Variants in GPM6A observed in about 807,000 individuals in gnomAD.
GPM6A encodes the protein neuronal membrane glycoprotein M6-a.
GPM6A carries 7 observed loss-of-function variants against 32.1 expected under a neutral mutation model. The ratio of observed to expected loss-of-function variants is 0.22; its 90% CI spans 0.12 to 0.41. The LOEUF is 0.41. Ranked by LOEUF, GPM6A falls within the 10% of genes least tolerant of loss-of-function variation. The pLI is 1.00. For missense variants in GPM6A, 235 were observed against 347.2 expected (o/e 0.68, Z 2.57); for synonymous variants, 130 against 123.4 (o/e 1.05, Z -0.35).
At chr4:175,714,304 A>G (rs1745716348) in intron 1 of GPM6A, among the ~76,000 whole-genome samples, 2 of 152,248 alleles carry the variant, frequency 1.3e-5, no homozygotes, top group Non-Finnish European at 2.9e-5. Context: ...CAACATATAC[A>G]GTTTATAACT....
At chr4:175,940,586 T>A (rs544528459) in intron 1 of GPM6A, among the ~76,000 whole-genome samples, 1 of 152,266 alleles carries the variant, frequency 6.6e-6, no homozygotes, top group East Asian at 1.9e-4. Flanking sequence ...ACCTATAACA[T>A]TTTTTATATC....
chr4:175,926,802 T>C (rs1397367315), intron 1 of GPM6A, among the ~76,000 whole-genome samples: 3 of 152,236 alleles, frequency 2.0e-5, no homozygotes, highest in South Asian at 2.1e-4. Context: ...GAAATGCAAA[T>C]TGAAAGAGTA....
chr4:175,861,749 G>GAAAAAAAAAAAAAA (rs10716525), intron 1 of GPM6A, among the ~76,000 whole-genome samples: 3 of 87,236 alleles, frequency 3.4e-5, no homozygotes, highest in Non-Finnish European at 6.6e-5. Flanking sequence ...AAGAGACTCT[G>GAAAAAAAAAAAAAA]AAAAAAAAAA....
chr4:175,840,212 C>T (rs1010662300), intron 1 of GPM6A, among the ~76,000 whole-genome samples: 7 of 152,036 alleles, frequency 4.6e-5, no homozygotes, highest in African/African-American at 1.7e-4. Flanking sequence ...TAGGAAAGTG[C>T]CTCATTTGAA....
At chr4:175,942,384 G>T (rs189349209) in intron 1 of GPM6A, among the ~76,000 whole-genome samples, 1 of 152,084 alleles carries the variant, frequency 6.6e-6, no homozygotes, top group African/African-American at 2.4e-5. Context: ...AGTTTAATTA[G>T]CTCCCATTTG....
chr4:175,954,754 T>G (rs115237877), intron 1 of GPM6A, among the ~76,000 whole-genome samples: 2,030 of 152,316 alleles, frequency 0.013, 40 homozygotes, highest in African/African-American at 0.047. Context: ...GTCTTTTCCA[T>G]GGGTCTTAAA....
intron 1 of GPM6A, among the ~76,000 whole-genome samples, chr4:175,768,115 G>A (rs1733046942): frequency 6.6e-6 from 1 of 152,148 alleles, no homozygotes; most frequent in Non-Finnish European, 1.5e-5. Context: ...CTAGAAAGGG[G>A]AAGAATTTGT....
intron 1 of GPM6A, among the ~76,000 whole-genome samples, chr4:175,716,407 G>T (rs1224326029): frequency 6.6e-6 from 1 of 152,142 alleles, no homozygotes; most frequent in South Asian, 2.1e-4. Context: ...CTGGTAAAGA[G>T]TGTTTATGTA....
intron 1 of GPM6A, among the ~76,000 whole-genome samples, chr4:175,711,398 C>T (rs920154153): frequency 3.3e-5 from 4 of 119,782 alleles, no homozygotes; most frequent in Non-Finnish European, 4.9e-5. Flanking sequence ...AAAGGGCACA[C>T]TGGCACACCA....
chr4:175,804,788 G>A (rs527417838), intron 1 of GPM6A, among the ~76,000 whole-genome samples: 52 of 152,156 alleles, frequency 3.4e-4, no homozygotes, highest in Middle Eastern at 6.8e-3. Flanking sequence ...GCTCACGCCT[G>A]TAATCCCAGC....
chr4:176,001,553 G>A (rs1189871078), intron 1 of GPM6A, among the ~76,000 whole-genome samples: 1 of 152,138 alleles, frequency 6.6e-6, no homozygotes, highest in Non-Finnish European at 1.5e-5. Context: ...GCTATTCCAA[G>A]CTGCCTCCGC....
At chr4:175,763,264 G>A (rs541907670) in intron 1 of GPM6A, among the ~76,000 whole-genome samples, 8 of 151,840 alleles carry the variant, frequency 5.3e-5, no homozygotes, top group South Asian at 2.1e-4. Flanking sequence ...CACCTGCCTC[G>A]GCCTCCCAAA....
chr4:175,693,055 T>C (rs952368989), intron 2 of GPM6A, among the ~76,000 whole-genome samples: 2 of 152,042 alleles, frequency 1.3e-5, no homozygotes, highest in African/African-American at 4.8e-5. Context: ...TCTACCATTC[T>C]TTATTTGTAT....
upstream of GPM6A, among the ~76,000 whole-genome samples, chr4:175,814,930 A>G (rs1016927771): frequency 1.3e-5 from 2 of 152,140 alleles, no homozygotes; most frequent in African/African-American, 4.8e-5. Context: ...TTTCATCTCC[A>G]CAAACTGAAA....
At chr4:175,919,182 A>T (rs1037678905) in intron 1 of GPM6A, among the ~76,000 whole-genome samples, 23 of 152,132 alleles carry the variant, frequency 1.5e-4, no homozygotes, top group African/African-American at 5.5e-4. Flanking sequence ...AACCCTTCTC[A>T]TGATTTTTCT....
intron 1 of GPM6A, chr4:175,947,685 C>G (rs544915304): frequency 6.6e-6 from 1 of 152,230 alleles, no homozygotes; most frequent in South Asian, 2.1e-4. Flanking sequence ...AGAGCAGGAA[C>G]TATGATCACT....
intron 1 of GPM6A, among the ~76,000 whole-genome samples, chr4:175,754,127 T>C (rs1398095326): frequency 2.0e-5 from 3 of 152,180 alleles, no homozygotes; most frequent in Non-Finnish European, 4.4e-5. Flanking sequence ...CAATGACTTC[T>C]TAGTCCTAAT....
At chr4:175,739,255 C>T (rs1579446082) in intron 1 of GPM6A, among the ~76,000 whole-genome samples, 1 of 152,060 alleles carries the variant, frequency 6.6e-6, no homozygotes, top group Admixed American at 6.6e-5. Context: ...CATGTTAGGT[C>T]ATTTAGTCAT....
At chr4:175,976,702 G>C (rs1160768324) in intron 1 of GPM6A, among the ~76,000 whole-genome samples, 1 of 152,128 alleles carries the variant, frequency 6.6e-6, no homozygotes, top group Non-Finnish European at 1.5e-5. Flanking sequence ...AGCTCCATTG[G>C]CCAGGCCCTG....
Sources: gnomAD v4.1 joint callset for allele counts (sites outside exome capture counted in the v4.1 genomes callset) on GRCh38, gnomAD v4.1.1 for gene constraint, MANE v1.5 for transcripts, NCBI Gene and HGNC (gene_info 2026-07-23, HGNC 2026-07-21) for gene names.